LRP1B: variants seen among roughly 807,000 people sequenced by gnomAD.
The protein encoded by LRP1B is low-density lipoprotein receptor-related protein 1B.
Under a neutral mutation model 556.6 loss-of-function variants are expected in LRP1B, and 217 were observed. The ratio of observed to expected loss-of-function variants is 0.39; its 90% CI spans 0.35 to 0.44. The LOEUF (loss-of-function observed/expected upper bound fraction) is 0.44. LRP1B is among the 20% of genes least tolerant of loss of function. The pLI is 1.00. For synonymous variants in LRP1B, 2,047 were observed against 1,865.8 expected, an observed-to-expected ratio of 1.10 and a Z score of -2.50; for missense variants, 5,053 against 5,620.8, an observed-to-expected ratio of 0.90 and a Z score of 3.23.
intron 71 of LRP1B, among the ~76,000 whole-genome samples, chr2:140,365,837 T>C (rs749210961): frequency 3.3e-5 from 5 of 151,772 alleles, no homozygotes; most frequent in Non-Finnish European, 7.4e-5. Flanking sequence ...TAAACACACA[T>C]ACATTTACCA....
chr2:141,792,030 T>C (rs558949593), intron 2 of LRP1B, among the ~76,000 whole-genome samples: 3 of 132,314 alleles, frequency 2.3e-5, no homozygotes, highest in African/African-American at 9.4e-5. Flanking sequence ...TAATTAATAT[T>C]CCATTCATTT....
chr2:140,659,109 T>G (rs961994208), intron 41 of LRP1B, among the ~76,000 whole-genome samples: 36 of 133,774 alleles, frequency 2.7e-4, no homozygotes, highest in African/African-American at 9.8e-4. Flanking sequence ...TTTTTTTTTT[T>G]TTTTTTTTTT....
intron 2 of LRP1B, among the ~76,000 whole-genome samples, chr2:141,638,408 G>A (rs567790413): frequency 1.1e-4 from 17 of 151,648 alleles, no homozygotes; most frequent in Middle Eastern, 3.4e-3. Flanking sequence ...TTAATGAATT[G>A]CCTAGCCTCT....
At chr2:141,209,463 A>G (rs1303542310) in intron 6 of LRP1B, among the ~76,000 whole-genome samples, 6 of 152,118 alleles carry the variant, frequency 3.9e-5, no homozygotes, top group African/African-American at 1.4e-4. Flanking sequence ...TTCCTTTATA[A>G]ATTACCCAGT....
At chr2:140,393,113 T>G (rs1336262474) in intron 66 of LRP1B, among the ~76,000 whole-genome samples, 2 of 151,386 alleles carry the variant, frequency 1.3e-5, no homozygotes, top group Non-Finnish European at 2.9e-5. Flanking sequence ...CTTTTATTTT[T>G]TGTAGAGATG....
rs140205009 is a variant in LRP1B, at chr2:141,114,291, G to A, written c.1014-52018C>T. Among the ~76,000 whole-genome samples, 353 of 152,312 alleles carry A rather than the reference G, an allele frequency of 2.3e-3. 3 individuals are homozygous for A. Among genetic ancestry groups the A allele is most frequent in the East Asian group, 4.5e-3 (23 of 5,160 alleles). ...CAGCTAAGTGTTAAATCAGCTTAGC[G>A]AAAAGTCAGGGTGACAGTCTTTTAC... On this transcript the variant is annotated intron_variant, in intron 7 of 90. Coordinates refer to ENST00000389484, the MANE Select transcript of LRP1B (RefSeq NM_018557.3).
intron 2 of LRP1B, among the ~76,000 whole-genome samples, chr2:141,746,314 T>C (rs1022319304): frequency 6.6e-6 from 1 of 152,144 alleles, no homozygotes; most frequent in African/African-American, 2.4e-5. Context: ...CTGGAACTCA[T>C]ATTCAGACTG....
intron 2 of LRP1B, among the ~76,000 whole-genome samples, chr2:141,500,651 A>G (rs1403666454): frequency 6.6e-6 from 1 of 152,160 alleles, no homozygotes; most frequent in Non-Finnish European, 1.5e-5. Flanking sequence ...AAAGTATATG[A>G]AAGTTTCACA....
chr2:140,722,393 T>C (rs1278067987), intron 35 of LRP1B, among the ~76,000 whole-genome samples: 4 of 152,290 alleles, frequency 2.6e-5, no homozygotes, highest in East Asian at 3.9e-4. Flanking sequence ...CTTTAGTAGA[T>C]AGGGTTTATT....
chr2:141,003,177 A>G (rs902858161), intron 15 of LRP1B, among the ~76,000 whole-genome samples: 2 of 152,070 alleles, frequency 1.3e-5, no homozygotes, highest in African/African-American at 4.8e-5. Flanking sequence ...TGCATCATAA[A>G]TAATCCCAAA....
At chr2:142,061,279 G>A (rs1704898840) in intron 1 of LRP1B, among the ~76,000 whole-genome samples, 1 of 151,892 alleles carries the variant, frequency 6.6e-6, no homozygotes, top group South Asian at 2.1e-4. Flanking sequence ...TTTAGTTTTT[G>A]GAATGAAAGA....
intron 41 of LRP1B, among the ~76,000 whole-genome samples, chr2:140,661,087 G>C (rs1198055400): frequency 1.3e-5 from 2 of 151,888 alleles, no homozygotes; most frequent in Non-Finnish European, 2.9e-5. Context: ...ATACTTTTAT[G>C]CCAAAGATAT....
intron 80 of LRP1B, 58 bp downstream of exon 80, chr2:140,325,704 A>G (rs1420257821): frequency 9.0e-7 from 1 of 1,116,102 alleles, no homozygotes; most frequent in Non-Finnish European, 1.3e-6. Flanking sequence ...ACATTTTTGT[A>G]TTAGTATTTA....
intron 86 of LRP1B, among the ~76,000 whole-genome samples, chr2:140,250,561 T>G (rs900060740): frequency 6.6e-6 from 1 of 151,780 alleles, no homozygotes; most frequent in African/African-American, 2.4e-5. Flanking sequence ...CTAAATTGTT[T>G]CCTTAATCTT....
intron 1 of LRP1B, among the ~76,000 whole-genome samples, chr2:142,064,760 AT>A (rs576214421): frequency 6.6e-6 from 1 of 151,566 alleles, no homozygotes. Flanking sequence ...TGTATCTATC[AT>A]TTTTTGTTTT....
chr2:140,458,626 A>G (rs185453949), intron 60 of LRP1B, among the ~76,000 whole-genome samples: 3 of 152,216 alleles, frequency 2.0e-5, no homozygotes, highest in Non-Finnish European at 4.4e-5. Context: ...AAAAGGTACT[A>G]TATTTCTAGT....
Position 141,314,128 on chromosome 2 carries a change from C to G in LRP1B, c.344-59487G>C, listed in dbSNP as rs144626295. 3.3e-3 allele frequency among the ~76,000 whole-genome samples: 506 copies of G among 152,236 alleles called. 3 individuals are homozygous for G. The highest frequency in any genetic ancestry group is 0.012 in the African/African-American group (481 of 41,558). On this transcript the variant is annotated intron_variant, in intron 3 of 90. Transcript: ENST00000389484. ...AAAGCTTCTGGACAGTGATGATGAT[C>G]TATTCTGTATCGACATTCCAAATAA...
At chr2:140,472,576 AAG>A (rs1687814667) in intron 60 of LRP1B, among the ~76,000 whole-genome samples, 1 of 151,990 alleles carries the variant, frequency 6.6e-6, no homozygotes, top group Non-Finnish European at 1.5e-5. Context: ...GGAGCAAAGA[AAG>A]AGGAATGGAA....
intron 41 of LRP1B, among the ~76,000 whole-genome samples, chr2:140,628,083 G>C (rs1160079834): frequency 6.6e-6 from 1 of 152,198 alleles, no homozygotes; most frequent in African/African-American, 2.4e-5. Context: ...TCCTTTGAAA[G>C]TGGATCCAGG....
Sources: gnomAD v4.1 joint callset for allele counts (sites outside exome capture counted in the v4.1 genomes callset) on GRCh38, gnomAD v4.1.1 for gene constraint, MANE v1.5 for transcripts, NCBI Gene and HGNC (gene_info 2026-07-23, HGNC 2026-07-21) for gene names.